Variants in RYR2 observed in about 807,000 individuals in gnomAD.
RYR2 encodes ryanodine receptor 2, also known as cardiac muscle ryanodine receptor-calcium release channel.
A neutral mutation model predicts 601.1 loss-of-function variants in RYR2; 227 were observed. The ratio of observed to expected loss-of-function variants is 0.38; its 90% CI spans 0.34 to 0.42. The LOEUF (loss-of-function observed/expected upper bound fraction) is 0.42, where lower values mean the gene tolerates loss of function less well. RYR2 is among the 10% of genes least tolerant of loss of function. The probability of loss-of-function intolerance (pLI) is 1.00; values close to 1 mark genes in which losing one functional copy is unlikely to be tolerated. For missense variants in RYR2, 4,646 were observed against 6,156.5 expected (o/e 0.75, Z 8.21); for synonymous variants, 2,223 against 2,175.1 (o/e 1.02, Z -0.61).
intron 24 of RYR2, among the ~76,000 whole-genome samples, chr1:237,514,316 G>A (rs982177199): frequency 6.6e-6 from 1 of 152,170 alleles, no homozygotes; most frequent in African/African-American, 2.4e-5. Context: ...AGCATGTTGT[G>A]CCTTTGACTA....
chr1:237,671,525 G>A (rs1684937881), intron 58 of RYR2, among the ~76,000 whole-genome samples: 1 of 151,406 alleles, frequency 6.6e-6, no homozygotes, highest in Admixed American at 6.6e-5. Flanking sequence ...GTGTGCGTGT[G>A]TGTGTGTGTG....
At chr1:237,620,569 A>C (rs1281911094) in intron 38 of RYR2, among the ~76,000 whole-genome samples, 3 of 152,120 alleles carry the variant, frequency 2.0e-5, no homozygotes, top group Non-Finnish European at 2.9e-5. Flanking sequence ...CTCACTTCAA[A>C]TATAATAATG....
chr1:237,832,655 C>T lies in RYR2; in HGVS notation c.*8C>T, dbSNP rs771506133. On this transcript the variant is annotated 3_prime_UTR_variant, in exon 105 of 105. Coordinates refer to ENST00000366574, the MANE Select transcript of RYR2 (RefSeq NM_001035.3). ...GAAGACCAGCTAAATTAAACTCAGA[C>T]CCAATCACCTCTAAAAACCAAAACC... The T allele has an allele frequency of 6.3e-6, 10 of 1,583,550 alleles. No homozygotes were observed. In the African/African-American group the frequency reaches 1.2e-4, roughly 19 times the overall value.
intron 101 of RYR2, among the ~76,000 whole-genome samples, chr1:237,827,915 T>G (rs567085695): frequency 5.5e-5 from 6 of 108,894 alleles, no homozygotes; most frequent in Non-Finnish European, 1.0e-4. Context: ...CCAGCCTGGG[T>G]GACAGAATGA....
At chr1:237,292,029 A>G (rs1252600147) in intron 2 of RYR2, among the ~76,000 whole-genome samples, 5 of 152,196 alleles carry the variant, frequency 3.3e-5, no homozygotes, top group Non-Finnish European at 7.4e-5. Flanking sequence ...GCAGAGGTAT[A>G]TGGGAACTCT....
intron 79 of RYR2, among the ~76,000 whole-genome samples, chr1:237,741,424 A>G (rs1691596076): frequency 6.6e-6 from 1 of 152,084 alleles, no homozygotes; most frequent in Non-Finnish European, 1.5e-5. Context: ...TTGAATGCTT[A>G]CCAAGCAGCA....
At chr1:237,202,374 A>G (rs1039290925) in intron 1 of RYR2, among the ~76,000 whole-genome samples, 1 of 152,134 alleles carries the variant, frequency 6.6e-6, no homozygotes, top group Non-Finnish European at 1.5e-5. Context: ...CCCTCAGTGC[A>G]TGTCTTTTAC....
chr1:237,530,242 C>T (rs1009284001), intron 24 of RYR2, among the ~76,000 whole-genome samples, 185 bp from the exon 25 acceptor site: 18 of 150,890 alleles, frequency 1.2e-4, no homozygotes, highest in African/African-American at 3.9e-4. Flanking sequence ...ATCCGGGAGG[C>T]GGAGCTTGCA....
chr1:237,741,537 C>T (rs1057474751), intron 79 of RYR2, among the ~76,000 whole-genome samples: 1 of 152,114 alleles, frequency 6.6e-6, no homozygotes, highest in Non-Finnish European at 1.5e-5. Context: ...CACTATTATA[C>T]TACAGACCAT....
chr1:237,472,670 G>C (rs796190599), intron 17 of RYR2, among the ~76,000 whole-genome samples: 52 of 130,384 alleles, frequency 4.0e-4, no homozygotes, highest in African/African-American at 1.3e-3. Context: ...ATGTGTGATA[G>C]GATATATTTT....
chr1:237,803,580 G>A (rs544934304), intron 98 of RYR2, among the ~76,000 whole-genome samples: 45 of 152,260 alleles, frequency 3.0e-4, no homozygotes, highest in African/African-American at 6.7e-4. Context: ...GATTACAAGC[G>A]TGAGCCACCA....
At chr1:237,683,837 A>C (rs1686114164) in intron 62 of RYR2, among the ~76,000 whole-genome samples, 1 of 152,182 alleles carries the variant, frequency 6.6e-6, no homozygotes, top group Non-Finnish European at 1.5e-5. Flanking sequence ...AGGCACCTGG[A>C]GGCCAAGACA....
At chr1:237,396,220 A>G (rs536999908) in intron 10 of RYR2, among the ~76,000 whole-genome samples, 107 of 152,282 alleles carry the variant, frequency 7.0e-4, no homozygotes, top group African/African-American at 2.6e-3. Context: ...ATAAATCAGC[A>G]TAACAACCTG....
chr1:237,475,528 T>G (rs1220047964), intron 17 of RYR2, among the ~76,000 whole-genome samples: 1 of 152,032 alleles, frequency 6.6e-6, no homozygotes, highest in Non-Finnish European at 1.5e-5. Flanking sequence ...TAAGAAAAAG[T>G]GTGGGTGGTG....
At chr1:237,805,564 G>GAGCTAGAC (rs1363775915) in intron 98 of RYR2, among the ~76,000 whole-genome samples, 77 of 115,774 alleles carry the variant, frequency 6.7e-4, no homozygotes, top group African/African-American at 2.5e-3. Context: ...CTGGGCGACA[G>GAGCTAGAC]AGCTAGACTC....
intron 25 of RYR2, among the ~76,000 whole-genome samples, chr1:237,546,104 GA>G (rs1353140564): frequency 6.6e-6 from 1 of 151,556 alleles, no homozygotes; most frequent in Admixed American, 6.6e-5. Flanking sequence ...GAAGTCTGTC[GA>G]ATACAATGAT....
chr1:237,580,309 C>T (rs10802621), intron 29 of RYR2, among the ~76,000 whole-genome samples: 31,635 of 151,356 alleles, frequency 0.21, 3,650 homozygotes, highest in East Asian at 0.47. Flanking sequence ...GCACACACCA[C>T]GACGCCTGGC....
intron 10 of RYR2, among the ~76,000 whole-genome samples, chr1:237,411,608 G>C (rs1277436391): frequency 6.6e-6 from 1 of 152,106 alleles, no homozygotes; most frequent in African/African-American, 2.4e-5. Flanking sequence ...GTTGTGCAAG[G>C]ACTTTTCCAA....
chr1:237,493,433 C>T lies in RYR2; in HGVS notation c.1961+346C>T, dbSNP rs1365422529. On this transcript the variant is annotated intron_variant, in intron 19 of 104. Transcript: ENST00000366574. ...CATCTTCTTAGAATGTAACTAAAAA[C>T]ACTATCCTTCAATATCATTGTTTTT... is the stretch of plus-strand genomic sequence containing the variant. Among the ~76,000 whole-genome samples, 3 of 152,014 alleles carry T rather than the reference C, an allele frequency of 2.0e-5. No individual in the cohort carries two copies. In the East Asian group the frequency reaches 5.8e-4, roughly 29 times the overall value.
Sources: allele counts gnomAD v4.1 joint callset (sites outside exome capture counted in the v4.1 genomes callset), GRCh38; gene constraint gnomAD v4.1.1; transcripts MANE v1.5; gene names NCBI Gene and HGNC (gene_info 2026-07-23, HGNC 2026-07-21).